Variants in BEST1 observed in about 807,000 individuals in gnomAD.
BEST1 encodes the protein bestrophin-1.
Under a neutral mutation model 63.3 loss-of-function variants are expected in BEST1, and 58 were observed. That is an observed-to-expected ratio of 0.92 (90% CI 0.74 to 1.14). The LOEUF (loss-of-function observed/expected upper bound fraction) is 1.14, where lower values mean the gene tolerates loss of function less well. Ranked by LOEUF, BEST1 falls within the 50% of genes most tolerant of loss-of-function variation. The pLI is 0.00. For missense variants in BEST1, 671 were observed against 740.1 expected (o/e 0.91, Z 1.08); for synonymous variants, 283 against 291.6 (o/e 0.97, Z 0.30).
At chr11:61,963,278 C>T in intron 10 of BEST1, 1 of 1,371,400 alleles carries the variant, frequency 7.3e-7, no homozygotes, top group African/African-American at 1.4e-5. Flanking sequence ...CATGAGGTGG[C>T]AGTCAGCTGG....
At chr11:61,952,984 T>A (rs943656312) in intron 2 of BEST1, among the ~76,000 whole-genome samples, 1 of 151,974 alleles carries the variant, frequency 6.6e-6, no homozygotes, top group Admixed American at 6.6e-5. Flanking sequence ...TTGCCTGTGG[T>A]CCCAGCTACT....
Position 61,955,489 on chromosome 11 carries a change from G to A in BEST1, c.248-229G>A, listed in dbSNP as rs373640052. 9 of 1,188,328 alleles carry A rather than the reference G, an allele frequency of 7.6e-6. No homozygotes were observed. The Admixed American group carries it at 1.4e-4, about 19-fold the overall frequency. 73.6% of individuals were successfully genotyped at this position (1,188,328 alleles called of 1,614,324 possible). A position where few individuals can be genotyped will look rare whatever the true frequency, so the allele number is the denominator to read the frequency against. On this transcript the variant is annotated intron_variant, in intron 3 of 10. Coordinates refer to ENST00000378043, the MANE Select transcript of BEST1 (RefSeq NM_004183.4). The stretch of plus-strand genomic sequence containing the variant: ...GCGCGGGAGGGGAGGGGGTCTGGCG[G>A]ATTTCTGGGACCAGCAGGGGGACCC...
chr11:61,964,932 C>T, downstream of BEST1: 1 of 1,613,816 alleles, frequency 6.2e-7, no homozygotes, highest in Non-Finnish European at 8.5e-7. Context: ...GCAGCTTTCC[C>T]AATCCCTAAG....
Position 61,956,995 on chromosome 11 carries a change from G to A in BEST1, c.633G>A (p.Leu211=). ...ACCCTATCCTGCTCCAGAGCCTGCTGAACGTGAGCCCACTGTACAGACAGG... is the reference window on the plus strand; with the variant it reads ...ACCCTATCCTGCTCCAGAGCCTGCTAAACGTGAGCCCACTGTACAGACAGG... ...IRDPILLQSL[L]NEMNTLRTQC... Residue 211 remains leucine, a synonymous_variant, in exon 5 of 11, where the codon CTG becomes CTA. Coordinates refer to ENST00000378043, the MANE Select transcript of BEST1 (RefSeq NM_004183.4). 1 of 1,614,152 alleles carries A rather than the reference G, an allele frequency of 6.2e-7. No homozygotes were observed. The highest frequency in any genetic ancestry group is 8.5e-7 in the Non-Finnish European group (1 of 1,180,038).
chr11:61,958,856 G>A (rs529847842), intron 7 of BEST1: 5 of 284,666 alleles, frequency 1.8e-5, no homozygotes, highest in South Asian at 1.6e-4. Flanking sequence ...CTCTGTCTCT[G>A]CCCTTCCTGT....
In BEST1 at chr11:61,951,876, T is replaced by C. The variant is rs1334381137; in HGVS notation, c.70T>C (p.Trp24Arg). ...LGSFSRLLLCWRGSIYKLLYG... is the reference protein window; with the variant it reads ...LGSFSRLLLCRRGSIYKLLYG... Reference sequence around the variant, plus strand: ...CTCCTTCTCCCGCCTGCTGCTGTGCTGGCGGGGCAGCATCTACAAGCTGCT... The same window carrying C: ...CTCCTTCTCCCGCCTGCTGCTGTGCCGGCGGGGCAGCATCTACAAGCTGCT... The change falls in exon 2 of 11, where the codon TGG becomes CGG. Residue 24 changes from tryptophan (W) to arginine (R), a missense_variant. Trp to Arg is a moderately radical substitution (Grantham distance 101). Transcript: ENST00000378043. 10 of 1,613,546 alleles carry C rather than the reference T, an allele frequency of 6.2e-6. No individual in the cohort carries two copies. In the Admixed American group the frequency reaches 1.3e-4, roughly 22 times the overall value.
chr11:61,951,028 T>C (rs753190759), intron 1 of BEST1, among the ~76,000 whole-genome samples: 2 of 152,090 alleles, frequency 1.3e-5, no homozygotes, highest in Non-Finnish European at 2.9e-5. Flanking sequence ...ATTATGGGAA[T>C]GGGAATATGG....
At position 61,955,203 on chromosome 11, in the gene BEST1, T is replaced by G; in HGVS notation, c.247+2T>G. On this transcript the variant is annotated splice_donor_variant, in intron 3 of 10. Transcript: ENST00000378043. LOFTEE classifies it high-confidence loss of function. Reference sequence around the variant, plus strand: ...TCATCCCCATTTCCTTCGTGCTGGGTGAGTTCCCCCTTCTGGCTGTTCCGG... The same window carrying G: ...TCATCCCCATTTCCTTCGTGCTGGGGGAGTTCCCCCTTCTGGCTGTTCCGG... 1 of 1,614,078 alleles carries G rather than the reference T, an allele frequency of 6.2e-7. No individual in the cohort carries two copies. Among genetic ancestry groups the G allele is most frequent in the East Asian group, 2.2e-5 (1 of 44,854 alleles).
chr11:61,951,984 G>A (rs1940720685), intron 2 of BEST1, 26 bp downstream of exon 2: 1 of 1,611,834 alleles, frequency 6.2e-7, no homozygotes, highest in Admixed American at 1.7e-5. Flanking sequence ...CTGGGCCGGG[G>A]GGCCTGGGAA....
At chr11:61,957,121 T>G in intron 5 of BEST1, 123 bp downstream of exon 5, 4 of 1,429,306 alleles carry the variant, frequency 2.8e-6, no homozygotes, top group Non-Finnish European at 3.8e-6. Context: ...TGAGGTGGGG[T>G]TGCAGAATCT....
rs533648182 is a variant in BEST1 at position 61,961,615 on chromosome 11, A to T, written c.1101-640A>T. On this transcript the variant is annotated intron_variant, in intron 9 of 10. Transcript: ENST00000378043. ...GCCTCAAACTCTGGATACAAGGTAC[A>T]AAGTACTGGATGTCCAGAAAAGGGA... 4 of 156,418 alleles carry T rather than the reference A, an allele frequency of 2.6e-5. No homozygotes were observed. In the South Asian group the frequency reaches 7.5e-4, roughly 29 times the overall value. The allele number at this position is 156,418 out of a possible 1,614,324, so 9.7% of individuals were successfully genotyped here.
chr11:61,954,246 C>T (rs78054615), intron 2 of BEST1, among the ~76,000 whole-genome samples: 2,937 of 152,138 alleles, frequency 0.019, 110 homozygotes, highest in Admixed American at 0.1. Flanking sequence ...CTATCAACAC[C>T]CCCACACTAC....
chr11:61,964,006 AG>A (rs1295974990), intron 10 of BEST1, 97 bp from the exon 11 acceptor site: 24 of 1,536,974 alleles, frequency 1.6e-5, no homozygotes, highest in Admixed American at 2.2e-5. Context: ...AAAAAAAAAA[AG>A]GATCGTCTCA....
intron 9 of BEST1, 25 bp downstream of exon 9, chr11:61,960,068 G>A (rs1162025603): frequency 1.2e-6 from 2 of 1,601,992 alleles, no homozygotes; most frequent in Non-Finnish European, 1.7e-6. Context: ...AGGGGGCTGG[G>A]TGGGAAGCCC....
At chr11:61,964,768 A>G (rs766747484), downstream of BEST1, 3 of 1,599,664 alleles carry the variant, frequency 1.9e-6, no homozygotes, top group Admixed American at 5.0e-5. Context: ...TGCTTGTCAA[A>G]GAGATATTCC....
intron 6 of BEST1, 82 bp downstream of exon 6, chr11:61,957,546 C>A: frequency 7.4e-7 from 1 of 1,350,526 alleles, no homozygotes; most frequent in South Asian, 1.2e-5. Flanking sequence ...GGGAAGGGCT[C>A]ACCTAGAGGC....
chr11:61,951,642 G>A, intron 1 of BEST1, 129 bp from the exon 2 acceptor site: 1 of 903,402 alleles, frequency 1.1e-6, no homozygotes, highest in Non-Finnish European at 1.7e-6. Flanking sequence ...CAGGGCCTTG[G>A]AGACCACTTC....
Position 61,964,341 on chromosome 11 carries a change from G to C in BEST1, c.*219G>C. The C allele has an allele frequency of 2.2e-6, 2 of 919,198 alleles. No individual in the cohort carries two copies. Among genetic ancestry groups the C allele is most frequent in the Non-Finnish European group, 3.2e-6 (2 of 626,722 alleles). 56.9% of individuals were successfully genotyped at this position (919,198 alleles called of 1,614,324 possible). A position where few individuals can be genotyped will look rare whatever the true frequency, so the allele number is the denominator to read the frequency against. ...CTGTGAAAGCTAGACTGAACCATTG[G>C]AAACATTTAACTCAGACTCTGGATT... On this transcript the variant is annotated 3_prime_UTR_variant, in exon 11 of 11. Transcript: ENST00000378043.
At chr11:61,955,681 G>GGCCCTC (rs1555098959) in intron 3 of BEST1, 37 bp from the exon 4 acceptor site, 1 of 1,527,990 alleles carries the variant, frequency 6.5e-7, no homozygotes, top group Non-Finnish European at 8.9e-7. Flanking sequence ...GCCGCAGCCT[G>GGCCCTC]GCCCCTCGCC....
Sources: allele counts gnomAD v4.1 joint callset (sites outside exome capture counted in the v4.1 genomes callset), GRCh38; gene constraint gnomAD v4.1.1; transcripts MANE v1.5; gene names NCBI Gene and HGNC (gene_info 2026-07-23, HGNC 2026-07-21).